Variants in NLGN1 observed in about 807,000 individuals in gnomAD.
The protein encoded by NLGN1 is neuroligin-1.
NLGN1 carries 12 observed loss-of-function variants against 65.5 expected under a neutral mutation model. That is an observed-to-expected ratio of 0.18 (90% CI 0.12 to 0.30). The LOEUF is 0.30. Among genes scored for constraint, NLGN1 ranks in the 10% least tolerant of loss-of-function variants. NLGN1 has a pLI of 1.00. For synonymous variants in NLGN1, 350 were observed against 359.5 expected, an observed-to-expected ratio of 0.97 and a Z score of 0.30; for missense variants, 750 against 1,007.1, an observed-to-expected ratio of 0.74 and a Z score of 3.46.
At chr3:173,460,051 A>AT (rs1043772546) in intron 2 of NLGN1, among the ~76,000 whole-genome samples, 1 of 152,090 alleles carries the variant, frequency 6.6e-6, no homozygotes, top group Non-Finnish European at 1.5e-5. Context: ...AAAAATCAAT[A>AT]TTTTTTAATT....
intron 4 of NLGN1, among the ~76,000 whole-genome samples, chr3:174,259,734 G>T (rs556859999): frequency 3.3e-5 from 5 of 150,818 alleles, no homozygotes; most frequent in African/African-American, 4.9e-5. Context: ...TGCACATTGT[G>T]CAGGTTAGTT....
At chr3:173,869,518 C>A (rs1473349757) in intron 4 of NLGN1, among the ~76,000 whole-genome samples, 2 of 152,116 alleles carry the variant, frequency 1.3e-5, no homozygotes, top group Admixed American at 1.3e-4. Context: ...CTGAAGATCT[C>A]TTTAAATCTA....
At chr3:173,568,380 C>A (rs894421725) in intron 2 of NLGN1, among the ~76,000 whole-genome samples, 1 of 151,608 alleles carries the variant, frequency 6.6e-6, no homozygotes, top group Non-Finnish European at 1.5e-5. Context: ...ATTACAGGTG[C>A]CCCCCACCAG....
intron 4 of NLGN1, among the ~76,000 whole-genome samples, chr3:174,032,382 ATCAGTTT>A (rs1163652436): frequency 6.6e-6 from 1 of 152,180 alleles, no homozygotes; most frequent in Non-Finnish European, 1.5e-5. Context: ...GGCCCCAGGC[ATCAGTTT>A]TTTCTAAGCT....
At chr3:173,915,257 G>A (rs78290531) in intron 4 of NLGN1, among the ~76,000 whole-genome samples, 1 of 152,148 alleles carries the variant, frequency 6.6e-6, no homozygotes, top group Admixed American at 6.5e-5. Flanking sequence ...GATGAAAATC[G>A]ATTTCCTATT....
chr3:173,690,075 A>C (rs1016134639), intron 3 of NLGN1, among the ~76,000 whole-genome samples: 1 of 152,190 alleles, frequency 6.6e-6, no homozygotes, highest in Non-Finnish European at 1.5e-5. Context: ...CCGAATATTA[A>C]TCATTTACTT....
chr3:173,899,567 C>T (rs1192981345), intron 4 of NLGN1, among the ~76,000 whole-genome samples: 3 of 152,102 alleles, frequency 2.0e-5, no homozygotes, highest in Admixed American at 2.0e-4. Context: ...GATTTTTATA[C>T]ATTTTTAAAT....
intron 4 of NLGN1, among the ~76,000 whole-genome samples, chr3:173,942,891 T>C (rs535759252): frequency 1.3e-5 from 2 of 152,288 alleles, no homozygotes; most frequent in South Asian, 4.1e-4. Flanking sequence ...CTTTATTCTC[T>C]TTTTGGACTG....
intron 3 of NLGN1, among the ~76,000 whole-genome samples, chr3:173,638,399 A>AAC (rs1310957401): frequency 6.8e-6 from 1 of 147,546 alleles, no homozygotes; most frequent in African/African-American, 2.5e-5. Flanking sequence ...AAAAAAAAAA[A>AAC]CCCAATAAAT....
intron 3 of NLGN1, among the ~76,000 whole-genome samples, chr3:173,606,906 C>A (rs2149454894): frequency 6.6e-6 from 1 of 151,902 alleles, no homozygotes; most frequent in Admixed American, 6.6e-5. Context: ...ATTTACATAC[C>A]TTTAATTAAT....
At chr3:173,426,262 T>G (rs557624520) in intron 1 of NLGN1, among the ~76,000 whole-genome samples, 4 of 152,148 alleles carry the variant, frequency 2.6e-5, no homozygotes, top group Admixed American at 6.5e-5. Context: ...AGTATAAGAT[T>G]ATGTCATCTG....
chr3:174,126,653 G>C (rs143810126), intron 4 of NLGN1, among the ~76,000 whole-genome samples: 191 of 152,172 alleles, frequency 1.3e-3, no homozygotes, highest in Admixed American at 2.4e-3. Flanking sequence ...GGACTGAGAA[G>C]AGAATATAAA....
At chr3:174,029,239 G>T (rs964841913) in intron 4 of NLGN1, among the ~76,000 whole-genome samples, 1 of 152,210 alleles carries the variant, frequency 6.6e-6, no homozygotes, top group African/African-American at 2.4e-5. Flanking sequence ...CTGAGAGGTG[G>T]CTGTACCCTG....
At chr3:173,677,450 T>C (rs536505903) in intron 3 of NLGN1, among the ~76,000 whole-genome samples, 1 of 152,204 alleles carries the variant, frequency 6.6e-6, no homozygotes, top group South Asian at 2.1e-4. Context: ...TAATTTTTAA[T>C]AAATTTGTCA....
intron 3 of NLGN1, among the ~76,000 whole-genome samples, chr3:173,609,437 G>A (rs988731086): frequency 2.0e-5 from 3 of 151,864 alleles, no homozygotes; most frequent in Non-Finnish European, 4.4e-5. Context: ...AGATAATATT[G>A]AATTCTTTCA....
intron 2 of NLGN1, among the ~76,000 whole-genome samples, chr3:173,558,568 C>T (rs761556092): frequency 6.6e-6 from 1 of 152,098 alleles, no homozygotes; most frequent in Non-Finnish European, 1.5e-5. Context: ...TTTACTCATT[C>T]TTCTACAGGA....
chr3:174,180,610 T>C (rs1006916693), intron 4 of NLGN1, among the ~76,000 whole-genome samples: 1 of 152,154 alleles, frequency 6.6e-6, no homozygotes, highest in African/African-American at 2.4e-5. Context: ...TTGACTTCAT[T>C]ATTTTAAAGA....
chr3:174,101,095 G>T (rs1712352192), intron 4 of NLGN1, among the ~76,000 whole-genome samples: 3 of 152,020 alleles, frequency 2.0e-5, no homozygotes, highest in Admixed American at 2.0e-4. Flanking sequence ...TTTTGACCTT[G>T]ATTTTCTTAC....
chr3:173,874,739 T>C (rs1731808366), intron 4 of NLGN1, among the ~76,000 whole-genome samples: 1 of 152,208 alleles, frequency 6.6e-6, no homozygotes, highest in Non-Finnish European at 1.5e-5. Flanking sequence ...ATCTCCACTG[T>C]ATAAAAAGCT....
Sources: gnomAD v4.1 joint callset for allele counts (sites outside exome capture counted in the v4.1 genomes callset) on GRCh38, gnomAD v4.1.1 for gene constraint, MANE v1.5 for transcripts, NCBI Gene and HGNC (gene_info 2026-07-23, HGNC 2026-07-21) for gene names.